CELF2: variants seen among roughly 807,000 people sequenced by gnomAD.
CELF2 encodes CUG triplet repeat RNA-binding protein 2.
Under a neutral mutation model 62.6 loss-of-function variants are expected in CELF2, and 8 were observed. The ratio of observed to expected loss-of-function variants is 0.13; its 90% CI spans 0.07 to 0.23. The LOEUF (loss-of-function observed/expected upper bound fraction) is 0.23, where lower values mean the gene tolerates loss of function less well. Ranked by LOEUF, CELF2 falls within the 10% of genes least tolerant of loss-of-function variation. The pLI is 1.00. For missense variants in CELF2, 333 were observed against 671.0 expected, an observed-to-expected ratio of 0.50 and a Z score of 5.56; for synonymous variants, 258 against 250.0, an observed-to-expected ratio of 1.03 and a Z score of -0.30.
the CELF2 span, among the ~76,000 whole-genome samples, chr10:10,495,553 C>G: frequency 1.3e-5 from 2 of 152,188 alleles, no homozygotes; most frequent in South Asian, 4.1e-4. Context: ...CCTGTCCTCT[C>G]TACCTGAACA....
At chr10:11,148,344 AC>A (rs2062660361) in intron 1 of CELF2, among the ~76,000 whole-genome samples, 1 of 152,234 alleles carries the variant, frequency 6.6e-6, no homozygotes, top group South Asian at 2.1e-4. Context: ...ACAGCGTGTA[AC>A]GGAAGGCATT....
the CELF2 span, among the ~76,000 whole-genome samples, chr10:10,782,039 A>G: frequency 6.6e-6 from 1 of 152,238 alleles, no homozygotes; most frequent in Non-Finnish European, 1.5e-5. Flanking sequence ...TTAAAGTATA[A>G]GGGAGGATTA....
intron 2 of CELF2, among the ~76,000 whole-genome samples, chr10:10,994,779 G>A (rs2053785778): frequency 7.1e-6 from 1 of 140,604 alleles, no homozygotes; most frequent in African/African-American, 2.6e-5. Context: ...GACTGCTGAT[G>A]TATAAGATTC....
At chr10:11,118,347 C>T (rs535564236) in intron 1 of CELF2, among the ~76,000 whole-genome samples, 3 of 152,014 alleles carry the variant, frequency 2.0e-5, no homozygotes, top group Non-Finnish European at 4.4e-5. Flanking sequence ...AAACCACATT[C>T]ATCTATGGGG....
chr10:11,025,239 G>GTGTGTGTGTATATATATATATA (rs61580670), intron 1 of CELF2, among the ~76,000 whole-genome samples: 159 of 141,080 alleles, frequency 1.1e-3, no homozygotes, highest in African/African-American at 2.9e-3. Context: ...GTGTGTGTGT[G>GTGTGTGTGTATATATATATATA]TATATGTATG....
At chr10:10,734,388 C>G in the CELF2 span, among the ~76,000 whole-genome samples, 1 of 152,168 alleles carries the variant, frequency 6.6e-6, no homozygotes, top group African/African-American at 2.4e-5. Context: ...TATTTCATAT[C>G]CCGTTTTCTC....
chr10:10,642,633 G>A, the CELF2 span, among the ~76,000 whole-genome samples: 1 of 152,206 alleles, frequency 6.6e-6, no homozygotes, highest in Non-Finnish European at 1.5e-5. Flanking sequence ...ATGTTACAGG[G>A]CACTCATAAT....
intron 4 of CELF2, among the ~76,000 whole-genome samples, chr10:11,253,648 C>A (rs886529454): frequency 1.3e-5 from 2 of 152,136 alleles, no homozygotes; most frequent in East Asian, 1.9e-4. Context: ...CGCAGACTTA[C>A]AATTAGAGAT....
the CELF2 span, among the ~76,000 whole-genome samples, chr10:10,697,760 C>G: frequency 2.6e-5 from 4 of 152,146 alleles, no homozygotes; most frequent in Non-Finnish European, 5.9e-5. Flanking sequence ...CCGCACCCCC[C>G]CAATACCATC....
intron 1 of CELF2, among the ~76,000 whole-genome samples, chr10:11,116,936 G>A (rs1385286482): frequency 6.6e-6 from 1 of 152,140 alleles, no homozygotes; most frequent in Non-Finnish European, 1.5e-5. Context: ...TAATCCACAT[G>A]ACAGTCATAT....
chr10:11,186,836 A>G (rs1038544700), intron 2 of CELF2, among the ~76,000 whole-genome samples: 3 of 152,180 alleles, frequency 2.0e-5, no homozygotes, highest in African/African-American at 7.2e-5. Context: ...AAGGATCTCA[A>G]CCTGTATTTG....
chr10:10,657,731 C>A, the CELF2 span, among the ~76,000 whole-genome samples: 1 of 152,066 alleles, frequency 6.6e-6, no homozygotes, highest in Non-Finnish European at 1.5e-5. Flanking sequence ...AGAATATATT[C>A]CAGGAGCATC....
chr10:10,740,153 C>CTTTTTTTTTTTTT, the CELF2 span, among the ~76,000 whole-genome samples: 1 of 94,488 alleles, frequency 1.1e-5, no homozygotes, highest in African/African-American at 4.5e-5. Context: ...GTTGCCTGTG[C>CTTTTTTTTTTTTT]TTTTTTTTTT....
intron 1 of CELF2, among the ~76,000 whole-genome samples, chr10:11,154,764 A>G (rs1476073542): frequency 1.3e-5 from 2 of 152,232 alleles, no homozygotes; most frequent in Non-Finnish European, 2.9e-5. Flanking sequence ...ACTAAAGTTT[A>G]CTTCTGGATT....
At chr10:10,603,328 A>T in the CELF2 span, among the ~76,000 whole-genome samples, 2 of 152,012 alleles carry the variant, frequency 1.3e-5, no homozygotes, top group Non-Finnish European at 2.9e-5. Flanking sequence ...AATAGCCAAA[A>T]GGACAATGAA....
chr10:10,546,843 A>T, the CELF2 span, among the ~76,000 whole-genome samples: 1 of 151,520 alleles, frequency 6.6e-6, no homozygotes, highest in African/African-American at 2.4e-5. Context: ...GCCGTAGCTC[A>T]TGCCTGTAAT....
At chr10:10,987,388 C>T (rs1564316599) in intron 2 of CELF2, among the ~76,000 whole-genome samples, 1 of 151,814 alleles carries the variant, frequency 6.6e-6, no homozygotes, top group Non-Finnish European at 1.5e-5. Context: ...CGTATATATA[C>T]ACACACATAT....
rs549805033 is a variant in CELF2, at chr10:11,237,852, A to G, written c.355-11301A>G. Among the ~76,000 whole-genome samples the G allele has an allele frequency of 1.2e-4, 19 of 152,252 alleles. No homozygotes were observed. The highest frequency in any genetic ancestry group is 4.6e-4 in the Admixed American group (7 of 15,282). ...TAAACCACAACTCGTTTCTCTTAAA[A>G]TATGAGAGAATACTGTTTGTCGGTA... On this transcript the variant is annotated intron_variant, in intron 3 of 12. Coordinates refer to ENST00000633077, the MANE Select transcript of CELF2 (RefSeq NM_001326342.2). This position sits in a 1 kb window ranked among gnomAD's most constrained non-coding sequence, Gnocchi z 4.0.
chr10:10,731,524 G>A, the CELF2 span, among the ~76,000 whole-genome samples: 2 of 152,184 alleles, frequency 1.3e-5, no homozygotes, highest in African/African-American at 4.8e-5. Context: ...GTTGTAGATA[G>A]AAAACTTCTC....
Sources: gnomAD v4.1 joint callset for allele counts (sites outside exome capture counted in the v4.1 genomes callset) on GRCh38, gnomAD v4.1.1 for gene constraint, Gnocchi (gnomAD v3.1) non-coding constraint, MANE v1.5 for transcripts, NCBI Gene and HGNC (gene_info 2026-07-23, HGNC 2026-07-21) for gene names.